PCBP3: variants seen among roughly 807,000 people sequenced by gnomAD.
The protein encoded by PCBP3 is poly(rC)-binding protein 3.
In PCBP3, 25 loss-of-function variants were observed where a neutral mutation model predicts 52.7. The observed-to-expected ratio is 0.47, with a 90% CI of 0.35 to 0.66. The LOEUF (loss-of-function observed/expected upper bound fraction) is 0.66, where lower values mean the gene tolerates loss of function less well. PCBP3 is among the 30% of genes least tolerant of loss of function. The pLI is 0.01. For synonymous variants in PCBP3, 162 were observed against 183.0 expected (o/e 0.89, Z 0.93); for missense variants, 391 against 490.3 (o/e 0.80, Z 1.91).
chr21:45,731,731 T>C (rs1401977021), intron 2 of PCBP3, among the ~76,000 whole-genome samples: 8 of 152,214 alleles, frequency 5.3e-5, no homozygotes. Context: ...TAAGCTACCA[T>C]AGTCATCTGC....
chr21:45,933,102 G>A (rs413886), intron 15 of PCBP3, among the ~76,000 whole-genome samples: 105,765 of 151,516 alleles, frequency 0.7, 38,328 homozygotes, highest in African/African-American at 0.89. Flanking sequence ...TGAACACATC[G>A]GCCATGCCAT....
chr21:45,694,604 A>G (rs1471948818), intron 2 of PCBP3, among the ~76,000 whole-genome samples: 4 of 152,224 alleles, frequency 2.6e-5, no homozygotes, highest in Admixed American at 2.6e-4. Flanking sequence ...GAATAAATAA[A>G]TACACAATCA....
At position 45,919,859 on chromosome 21, in the gene PCBP3, G is replaced by A. The variant is rs538953823; in HGVS notation, c.717+2230G>A. ...TGTGCGCGCGCGCGTGCGCGTCCCC[G>A]TGCATGTGTGTGGCAGGGGTGTGGG... On this transcript the variant is annotated intron_variant, in intron 13 of 17. Coordinates refer to ENST00000681687, the MANE Select transcript of PCBP3 (RefSeq NM_001384156.1). Among the ~76,000 whole-genome samples, 7 of 150,456 alleles carry A rather than the reference G, an allele frequency of 4.7e-5. No individual in the cohort carries two copies. In the East Asian group the frequency reaches 7.7e-4, roughly 17 times the overall value.
At chr21:45,940,379 A>G (rs769940367) in intron 17 of PCBP3, among the ~76,000 whole-genome samples, 180 bp downstream of exon 17, 18 of 152,140 alleles carry the variant, frequency 1.2e-4, no homozygotes, top group Non-Finnish European at 2.5e-4. Flanking sequence ...GACAGCCTCC[A>G]TGTAGACACG....
intron 5 of PCBP3, 36 bp downstream of exon 5, chr21:45,850,131 T>G (rs1026425994): frequency 2.0e-6 from 3 of 1,528,946 alleles, no homozygotes. Context: ...GTTTGTTTGT[T>G]TACCAAGAGT....
chr21:45,649,162 C>T (rs1057339883), intron 1 of PCBP3, among the ~76,000 whole-genome samples: 1 of 152,188 alleles, frequency 6.6e-6, no homozygotes, highest in African/African-American at 2.4e-5. Flanking sequence ...TTGAAAGGTA[C>T]ATCTCACATG....
intron 5 of PCBP3, among the ~76,000 whole-genome samples, chr21:45,886,796 G>T (rs566633842): frequency 3.3e-5 from 5 of 152,320 alleles, no homozygotes; most frequent in South Asian, 2.1e-4. Context: ...ACACCAGGGG[G>T]CAAGGACTCA....
Position 45,853,322 on chromosome 21 carries a change from T to C in PCBP3, c.10+3227T>C, listed in dbSNP as rs572201393. Among the ~76,000 whole-genome samples, 40 of 152,294 alleles carry C rather than the reference T, an allele frequency of 2.6e-4. No individual in the cohort carries two copies. Among genetic ancestry groups the C allele is most frequent in the African/African-American group, 9.1e-4 (38 of 41,562 alleles). On this transcript the variant is annotated intron_variant, in intron 5 of 17. Coordinates refer to ENST00000681687, the MANE Select transcript of PCBP3 (RefSeq NM_001384156.1). The surrounding 1 kb of genome is among the most constrained non-coding windows in gnomAD (Gnocchi z 4.6). ...CAGAAGCCAGATGCCGTGGGTTGGG[T>C]GTGCCAATGGCCCTTAAAGGCAGGG...
In PCBP3 at chr21:45,737,593, G is replaced by A. The variant is rs542598012; in HGVS notation, c.-162+2164G>A. Among the ~76,000 whole-genome samples the A allele has an allele frequency of 4.6e-5, 7 of 152,350 alleles. No individual in the cohort carries two copies. The South Asian group carries it at 1.4e-3, about 32-fold the overall frequency. ...CGACCATGCAAGCCATGCCCCGGCA[G>A]CCAGGCTGAGAGGCAGAGCAAGCAG... On this transcript the variant is annotated intron_variant, in intron 3 of 17. Coordinates refer to ENST00000681687, the MANE Select transcript of PCBP3 (RefSeq NM_001384156.1). This position sits in a 1 kb window ranked among gnomAD's most constrained non-coding sequence, Gnocchi z 4.9.
At chr21:45,711,048 C>T (rs1206346179) in intron 2 of PCBP3, among the ~76,000 whole-genome samples, 2 of 152,164 alleles carry the variant, frequency 1.3e-5, no homozygotes, top group Non-Finnish European at 2.9e-5. Flanking sequence ...AGTGATGATG[C>T]TCCAGGCTCA....
intron 2 of PCBP3, among the ~76,000 whole-genome samples, chr21:45,692,373 G>C (rs2082535705): frequency 6.6e-6 from 1 of 151,680 alleles, no homozygotes; most frequent in African/African-American, 2.4e-5. Flanking sequence ...GAATCTATGA[G>C]CTCATAGCTA....
chr21:45,849,592 A>G (rs1192103163), intron 4 of PCBP3, among the ~76,000 whole-genome samples: 1 of 152,228 alleles, frequency 6.6e-6, no homozygotes. Flanking sequence ...CTATCAGTGA[A>G]ATTAGAAAAC....
In PCBP3 at chr21:45,837,716, C is replaced by T. The variant is rs1012814130; in HGVS notation, c.-125-12245C>T. ...AGATTTATTTTTCCTGTGAGGCGAGCGAGCTTCCTAGGTGGCACTGCACGT... is the reference window on the plus strand; with the variant it reads ...AGATTTATTTTTCCTGTGAGGCGAGTGAGCTTCCTAGGTGGCACTGCACGT... On this transcript the variant is annotated intron_variant, in intron 4 of 17. Coordinates refer to ENST00000681687, the MANE Select transcript of PCBP3 (RefSeq NM_001384156.1). This position sits in a 1 kb window ranked among gnomAD's most constrained non-coding sequence, Gnocchi z 4.1. Among the ~76,000 whole-genome samples, 1 of 152,118 alleles carries T rather than the reference C, an allele frequency of 6.6e-6. No individual in the cohort carries two copies. Among genetic ancestry groups the T allele is most frequent in the Admixed American group, 6.5e-5 (1 of 15,274 alleles).
intron 9 of PCBP3, among the ~76,000 whole-genome samples, chr21:45,906,575 C>G (rs1303613346): frequency 2.6e-5 from 4 of 152,140 alleles, no homozygotes; most frequent in Admixed American, 2.0e-4. Flanking sequence ...TTTAGAGGCT[C>G]TGCCCCGGTC....
intron 9 of PCBP3, among the ~76,000 whole-genome samples, chr21:45,901,986 C>G (rs1475945371): frequency 6.6e-6 from 1 of 152,188 alleles, no homozygotes; most frequent in South Asian, 2.1e-4. Context: ...CCAAAGCTGG[C>G]CATGGTGGGG....
intron 4 of PCBP3, among the ~76,000 whole-genome samples, chr21:45,787,626 G>A (rs565048490): frequency 1.2e-4 from 19 of 152,230 alleles, no homozygotes; most frequent in African/African-American, 4.3e-4. Flanking sequence ...GGAACAAAGC[G>A]AGTCCCCCTG....
intron 4 of PCBP3, among the ~76,000 whole-genome samples, chr21:45,789,934 T>C (rs565971684): frequency 1.3e-5 from 2 of 152,056 alleles, no homozygotes; most frequent in Admixed American, 6.5e-5. Flanking sequence ...GGTCAGGAGA[T>C]GGAGACCATC....
At chr21:45,740,368 T>TA (rs1031501615) in intron 3 of PCBP3, among the ~76,000 whole-genome samples, 2 of 152,234 alleles carry the variant, frequency 1.3e-5, no homozygotes, top group Non-Finnish European at 1.5e-5. Context: ...ATGTTAAAAT[T>TA]AAAAAAAATT....
intron 4 of PCBP3, among the ~76,000 whole-genome samples, chr21:45,799,718 C>T (rs1036384849): frequency 4.6e-5 from 7 of 151,940 alleles, no homozygotes; most frequent in Admixed American, 2.0e-4. Context: ...GGGCCAGGCA[C>T]GCGTCCACGG....
Sources: gnomAD v4.1 joint callset for allele counts (sites outside exome capture counted in the v4.1 genomes callset) on GRCh38, gnomAD v4.1.1 for gene constraint, Gnocchi (gnomAD v3.1) non-coding constraint, MANE v1.5 for transcripts, NCBI Gene and HGNC (gene_info 2026-07-23, HGNC 2026-07-21) for gene names.